The following NAT1 variants were observed in gnomAD, a reference collection of about 807,000 sequenced individuals.
NAT1 encodes the protein arylamine N-acetyltransferase 1.
For synonymous variants in NAT1, 144 were observed against 122.6 expected, an observed-to-expected ratio of 1.17 and a Z score of -1.16; for missense variants, 400 against 339.2, an observed-to-expected ratio of 1.18 and a Z score of -1.41.
At chr8:18,197,344 C>G (rs185957334) in intron 2 of NAT1, among the ~76,000 whole-genome samples, 1 of 152,334 alleles carries the variant, frequency 6.6e-6, no homozygotes, top group East Asian at 1.9e-4. Flanking sequence ...TACATAAAGA[C>G]ATCATACAGC....
upstream of NAT1, chr8:18,209,903 C>T (rs1324321567): frequency 6.6e-6 from 1 of 152,136 alleles, no homozygotes; most frequent in Non-Finnish European, 1.5e-5. Context: ...ACAGTCCTCC[C>T]AGCCGGTGGC....
intron 2 of NAT1, among the ~76,000 whole-genome samples, chr8:18,184,662 T>C (rs1476318163): frequency 6.6e-6 from 1 of 152,166 alleles, no homozygotes; most frequent in African/African-American, 2.4e-5. Context: ...GTTGAAACAA[T>C]CTCCCATCCA....
intron 2 of NAT1, among the ~76,000 whole-genome samples, chr8:18,193,856 G>C (rs1367766578): frequency 6.6e-6 from 1 of 151,938 alleles, no homozygotes; most frequent in African/African-American, 2.4e-5. Flanking sequence ...GGCCGAGCTG[G>C]TCTTGAACTC....
At chr8:18,210,809 C>G (rs930700405) in intron 1 of NAT1, among the ~76,000 whole-genome samples, 3 of 152,132 alleles carry the variant, frequency 2.0e-5, no homozygotes, top group Non-Finnish European at 4.4e-5. Flanking sequence ...GAGCCTTGCC[C>G]CATTGCCCAG....
chr8:18,175,437 T>A (rs1802259972), intron 2 of NAT1, among the ~76,000 whole-genome samples: 1 of 152,094 alleles, frequency 6.6e-6, no homozygotes, highest in Non-Finnish European at 1.5e-5. Flanking sequence ...ACATTTTTTC[T>A]GAGTCCACAA....
At chr8:18,197,884 T>G (rs918965440) in intron 2 of NAT1, among the ~76,000 whole-genome samples, 1 of 151,656 alleles carries the variant, frequency 6.6e-6, no homozygotes, top group Non-Finnish European at 1.5e-5. Flanking sequence ...GGAAGTATGT[T>G]TATACTTTTT....
chr8:18,208,209 A>G (rs1803811960), upstream of NAT1, among the ~76,000 whole-genome samples: 1 of 152,172 alleles, frequency 6.6e-6, no homozygotes, highest in Admixed American at 6.5e-5. Flanking sequence ...TGATAGGTGC[A>G]GCAAACCACC....
At chr8:18,197,234 C>G (rs1296271300) in intron 2 of NAT1, among the ~76,000 whole-genome samples, 1 of 152,150 alleles carries the variant, frequency 6.6e-6, no homozygotes, top group African/African-American at 2.4e-5. Flanking sequence ...GATGAGATTG[C>G]GTTGGGGACT....
intron 2 of NAT1, among the ~76,000 whole-genome samples, chr8:18,202,948 G>A (rs2117298302): frequency 6.6e-6 from 1 of 152,276 alleles, no homozygotes; most frequent in African/African-American, 2.4e-5. Flanking sequence ...ATTTTATAGA[G>A]TACTGATTGG....
rs750738755 is a variant in NAT1 at position 18,222,269 on chromosome 8, T to G, written c.222T>G (p.Leu74=). The change falls in exon 3 of 3, where the codon CTT becomes CTG. Residue 74 remains leucine (L), a synonymous_variant. Coordinates refer to ENST00000307719, the MANE Select transcript of NAT1 (RefSeq NM_000662.8). ...RGGWCLQVNH[L]LYWALTTIGF... ...GATGGTGTCTCCAGGTCAATCATCT[T>G]CTGTACTGGGCTCTGACCACTATTG... is the stretch of plus-strand genomic sequence containing the variant. The G allele has an allele frequency of 1.2e-6, 2 of 1,614,126 alleles. No individual in the cohort carries two copies. Among genetic ancestry groups the G allele is most frequent in the Admixed American group, 3.3e-5 (2 of 60,018 alleles).
chr8:18,216,750 T>C, intron 1 of NAT1: 3 of 576,996 alleles, frequency 5.2e-6, no homozygotes, highest in Middle Eastern at 3.3e-4. Context: ...AAGCAAAATT[T>C]CGTAAGAGGC....
chr8:18,219,538 C>A (rs1262455528), intron 2 of NAT1, 49 bp downstream of exon 2: 3 of 980,518 alleles, frequency 3.1e-6, no homozygotes, highest in South Asian at 1.5e-5. Flanking sequence ...TAAGCACGTT[C>A]ACTCTGCCTC....
chr8:18,182,778 A>T (rs2117226142), intron 2 of NAT1, among the ~76,000 whole-genome samples: 1 of 152,322 alleles, frequency 6.6e-6, no homozygotes, highest in African/African-American at 2.4e-5. Flanking sequence ...TCACTCAAAA[A>T]GTGTTGGGAT....
At chr8:18,181,273 G>A (rs2117221191) in intron 2 of NAT1, among the ~76,000 whole-genome samples, 1 of 152,118 alleles carries the variant, frequency 6.6e-6, no homozygotes, top group Middle Eastern at 3.4e-3. Context: ...AGGATTCAAT[G>A]GGATTGCTTT....
At chr8:18,202,627 T>G (rs1803512924) in intron 2 of NAT1, among the ~76,000 whole-genome samples, 1 of 152,172 alleles carries the variant, frequency 6.6e-6, no homozygotes, top group East Asian at 1.9e-4. Flanking sequence ...ACCTTCGCAG[T>G]GAGCGTTACA....
upstream of NAT1, among the ~76,000 whole-genome samples, chr8:18,207,828 A>C (rs7001893): frequency 0.76 from 115,216 of 152,092 alleles, 44,331 homozygotes; most frequent in African/African-American, 0.91. Context: ...ATGTTCATTG[A>C]AGCACTATTC....
intron 1 of NAT1, among the ~76,000 whole-genome samples, chr8:18,211,521 G>A (rs1397381043): frequency 6.6e-6 from 1 of 152,224 alleles, no homozygotes; most frequent in Non-Finnish European, 1.5e-5. Flanking sequence ...TCTGGCCCTT[G>A]CTGTCTTCAG....
At chr8:18,188,693 T>C (rs1802845072) in intron 2 of NAT1, among the ~76,000 whole-genome samples, 1 of 151,908 alleles carries the variant, frequency 6.6e-6, no homozygotes. Context: ...GTAATAGATA[T>C]ACCTACTTTT....
intron 1 of NAT1, among the ~76,000 whole-genome samples, chr8:18,210,529 A>G (rs1033991356): frequency 6.6e-6 from 1 of 152,228 alleles, no homozygotes; most frequent in African/African-American, 2.4e-5. Context: ...ACGTGTATTA[A>G]AAGATAACTA....
Sources: allele counts gnomAD v4.1 joint callset (sites outside exome capture counted in the v4.1 genomes callset), GRCh38; gene constraint gnomAD v4.1.1; transcripts MANE v1.5; gene names NCBI Gene and HGNC (gene_info 2026-07-23, HGNC 2026-07-21).